The following TRPM3 variants were observed in gnomAD, a reference collection of about 807,000 sequenced individuals.
TRPM3 encodes the protein transient receptor potential cation channel subfamily M member 3, also known as long transient receptor potential channel 3.
Under a neutral mutation model 181.2 loss-of-function variants are expected in TRPM3, and 77 were observed. The ratio of observed to expected loss-of-function variants is 0.42; its 90% CI spans 0.35 to 0.51. TRPM3 has a LOEUF of 0.51. TRPM3 is among the 20% of genes least tolerant of loss of function. The pLI, the probability that TRPM3 is intolerant of heterozygous loss-of-function variation, is 0.01. For synonymous variants in TRPM3, 745 were observed against 796.4 expected, an observed-to-expected ratio of 0.94 and a Z score of 1.09; for missense variants, 1,759 against 2,196.7, an observed-to-expected ratio of 0.80 and a Z score of 3.98.
intron 1 of TRPM3, among the ~76,000 whole-genome samples, chr9:71,015,259 G>A (rs1046571338): frequency 5.9e-5 from 9 of 152,104 alleles, no homozygotes; most frequent in African/African-American, 1.7e-4. Flanking sequence ...CAGTTCGGTC[G>A]CTTTGACAAC....
intron 1 of TRPM3, among the ~76,000 whole-genome samples, chr9:71,348,239 A>T (rs571747432): frequency 4.6e-5 from 7 of 152,224 alleles, no homozygotes; most frequent in Admixed American, 2.6e-4. Flanking sequence ...ACCCAGAAAA[A>T]GTTTTGTGGC....
At chr9:70,999,402 C>T (rs1474738009) in intron 1 of TRPM3, among the ~76,000 whole-genome samples, 2 of 152,128 alleles carry the variant, frequency 1.3e-5, no homozygotes, top group Admixed American at 1.3e-4. Flanking sequence ...CACAGCTGTA[C>T]CTGGGCCTGA....
chr9:70,932,980 T>TAA (rs2096790143), intron 1 of TRPM3, among the ~76,000 whole-genome samples: 2 of 152,108 alleles, frequency 1.3e-5, no homozygotes, highest in Non-Finnish European at 2.9e-5. Flanking sequence ...ATTTTAGAGG[T>TAA]AATTTCAGTA....
At position 70,579,712 on chromosome 9, in the gene TRPM3, C is replaced by G. The variant is rs1341242951; in HGVS notation, c.3223+11319G>C. 3.9e-5 allele frequency among the ~76,000 whole-genome samples: 6 copies of G among 152,220 alleles called. No homozygotes were observed. In the East Asian group the frequency reaches 9.6e-4, roughly 24 times the overall value. On this transcript the variant is annotated intron_variant, in intron 22 of 25. Coordinates refer to ENST00000677713, the MANE Select transcript of TRPM3 (RefSeq NM_001366145.2). ...TAGAACTTCAGGTGATCCTGATATT[C>G]AAGTTCAGGCATCAGCAATTTACTG...
In TRPM3 at chr9:70,549,556, C is replaced by T. The variant is rs746911171; in HGVS notation, c.3693G>A (p.Arg1231=). 2 of 1,613,172 alleles carry T rather than the reference C, an allele frequency of 1.2e-6. No individual in the cohort carries two copies. The highest frequency in any genetic ancestry group is 1.3e-5 in the African/African-American group (1 of 74,834). Residue 1231 remains arginine (R), a synonymous_variant, in exon 25 of 26, where the codon CGG becomes CGA. Transcript: ENST00000677713. ...ACAGAACACACCTTTCTGAAGTCAC[C>T]CGTATCCTCTCATCATTAGATGAGT... is the stretch of plus-strand genomic sequence containing the variant. ...RFNSSNDERI[R]VTSERVENMS...
intron 1 of TRPM3, among the ~76,000 whole-genome samples, chr9:71,000,338 A>AT (rs2097585466): frequency 6.6e-6 from 1 of 152,072 alleles, no homozygotes; most frequent in African/African-American, 2.4e-5. Flanking sequence ...TTTTGTTATT[A>AT]TTTTTTCTTC....
rs368111480 is a variant in TRPM3, at chr9:71,433,764, T to C, written c.183+12889A>G. 5.8e-4 allele frequency among the ~76,000 whole-genome samples: 88 copies of C among 152,334 alleles called. 1 individual carries two copies. The highest frequency in any genetic ancestry group is 1.9e-3 in the African/African-American group (80 of 41,578). The stretch of plus-strand genomic sequence containing the variant: ...ATCTCTCTGACTTTTGACAGGAAGA[T>C]AGCAGCTCTAGGTCGGATGCTTCAC... On this transcript the variant is annotated intron_variant, in intron 1 of 24. Transcript: ENST00000357533.
intron 1 of TRPM3, among the ~76,000 whole-genome samples, chr9:71,287,558 G>A (rs1347773439): frequency 6.6e-6 from 1 of 151,438 alleles, no homozygotes; most frequent in Non-Finnish European, 1.5e-5. Context: ...TACAGAAGAA[G>A]GCCTTCAAAA....
chr9:71,190,312 C>T (rs2077937642), intron 1 of TRPM3, among the ~76,000 whole-genome samples: 2 of 151,848 alleles, frequency 1.3e-5, no homozygotes, highest in Admixed American at 6.6e-5. Context: ...TTTTAAAGAA[C>T]TTGTACAAAT....
intron 8 of TRPM3, among the ~76,000 whole-genome samples, chr9:70,742,112 A>G (rs1488352588): frequency 1.3e-5 from 2 of 152,150 alleles, no homozygotes; most frequent in African/African-American, 2.4e-5. Context: ...CATTAAGACC[A>G]CATTTTAATG....
chr9:71,424,626 A>G (rs1314496071), intron 1 of TRPM3, among the ~76,000 whole-genome samples: 1 of 152,118 alleles, frequency 6.6e-6, no homozygotes, highest in African/African-American at 2.4e-5. Context: ...TTTATTTTAT[A>G]GAGGACCTAT....
chr9:71,262,870 G>A (rs1330340023), intron 1 of TRPM3, among the ~76,000 whole-genome samples: 4 of 139,990 alleles, frequency 2.9e-5, no homozygotes, highest in South Asian at 2.5e-4. Context: ...CCAATGAGAT[G>A]AACCGGGTAC....
At chr9:70,979,208 C>T (rs2097337856) in intron 1 of TRPM3, among the ~76,000 whole-genome samples, 1 of 152,194 alleles carries the variant, frequency 6.6e-6, no homozygotes, top group Admixed American at 6.5e-5. Flanking sequence ...CGTTACAACT[C>T]TCCATTTGCC....
chr9:70,602,486 G>C (rs2060232637), intron 20 of TRPM3, among the ~76,000 whole-genome samples: 1 of 152,146 alleles, frequency 6.6e-6, no homozygotes, highest in Non-Finnish European at 1.5e-5. Flanking sequence ...CAGTGGACTT[G>C]AACGGGAGCA....
At chr9:70,991,573 T>TTTA (rs2097486557) in intron 1 of TRPM3, among the ~76,000 whole-genome samples, 1 of 150,198 alleles carries the variant, frequency 6.7e-6, no homozygotes. Context: ...TTTTTTTTTT[T>TTTA]GAGTACTAAT....
At chr9:70,956,396 A>G (rs1000960821) in intron 1 of TRPM3, among the ~76,000 whole-genome samples, 2 of 151,156 alleles carry the variant, frequency 1.3e-5, no homozygotes, top group African/African-American at 4.9e-5. Flanking sequence ...AAAAAACAGG[A>G]AATATATGTA....
intron 1 of TRPM3, among the ~76,000 whole-genome samples, chr9:71,041,333 G>A (rs1469234233): frequency 6.6e-6 from 1 of 152,016 alleles, no homozygotes; most frequent in African/African-American, 2.4e-5. Context: ...CAAGTATTTG[G>A]GAATTCTGAA....
chr9:71,168,939 G>A (rs2076698715), intron 1 of TRPM3, among the ~76,000 whole-genome samples: 1 of 152,034 alleles, frequency 6.6e-6, no homozygotes, highest in Admixed American at 6.6e-5. Context: ...CTCTCCTGCT[G>A]TTTCATTTCC....
chr9:71,074,356 T>C (rs72731768), intron 1 of TRPM3, among the ~76,000 whole-genome samples: 9,860 of 152,250 alleles, frequency 0.065, 356 homozygotes, highest in Middle Eastern at 0.095. Flanking sequence ...ATTTATTTTA[T>C]GTTTTAAAGG....
Sources: allele counts gnomAD v4.1 joint callset (sites outside exome capture counted in the v4.1 genomes callset), GRCh38; gene constraint gnomAD v4.1.1; transcripts MANE v1.5; gene names NCBI Gene and HGNC (gene_info 2026-07-23, HGNC 2026-07-21).